Variants in MAPK6 observed in about 807,000 individuals in gnomAD.
MAPK6 encodes mitogen-activated protein kinase 6.
In MAPK6, 19 loss-of-function variants were observed where a neutral mutation model predicts 59.3. The observed-to-expected ratio is 0.32, with a 90% CI of 0.22 to 0.47. MAPK6 has a LOEUF of 0.47. MAPK6 is among the 20% of genes least tolerant of loss of function. MAPK6 has a pLI of 1.00. For synonymous variants in MAPK6, 316 were observed against 290.3 expected (o/e 1.09, Z -0.90); for missense variants, 724 against 847.9 (o/e 0.85, Z 1.81).
chr15:52,066,763 C>CGTGTGTGTGTGTGTGTGTGTGTGTGT lies in MAPK6; in HGVS notation c.*1768_*1793dup, dbSNP rs3222636. 1 of 148,858 alleles carries CGTGTGTGTGTGTGTGTGTGTGTGTGT rather than the reference C, an allele frequency of 6.7e-6. No homozygotes were observed. The highest frequency in any genetic ancestry group is 6.7e-5 in the Admixed American group (1 of 14,904). The allele number at this position is 148,858 out of a possible 1,614,324, so 9.2% of individuals were successfully genotyped here. A position where few individuals can be genotyped will look rare whatever the true frequency, so the allele number is the denominator to read the frequency against. On this transcript the variant is annotated 3_prime_UTR_variant, in exon 6 of 6. Transcript: ENST00000261845. The stretch of plus-strand genomic sequence containing the variant: ...GGATTCACAAAGCCATATATATACA[C>CGTGTGTGTGTGTGTGTGTGTGTGTGT]GTGTGTGTGTGTGTGTGTGTGTGTG...
upstream of MAPK6, chr15:52,017,885 A>G (rs1689379356): frequency 6.6e-6 from 1 of 152,154 alleles, no homozygotes; most frequent in South Asian, 2.1e-4. Flanking sequence ...AGAAGCTGGA[A>G]ATTCTGCGGT....
At chr15:52,055,876 T>C (rs1338457080) in intron 3 of MAPK6, among the ~76,000 whole-genome samples, 1 of 152,254 alleles carries the variant, frequency 6.6e-6, no homozygotes, top group Non-Finnish European at 1.5e-5. Context: ...ACATTAAATA[T>C]AGGAATAAAA....
chr15:52,050,905 G>A (rs11070877), intron 3 of MAPK6, among the ~76,000 whole-genome samples: 121,925 of 152,110 alleles, frequency 0.8, 49,452 homozygotes, highest in Non-Finnish European at 0.85. Flanking sequence ...AGATGGGGTC[G>A]GAATACTAGA....
rs2141138030 is a variant in MAPK6 at position 52,064,716 on chromosome 15, T to A, written c.1882T>A (p.Tyr628Asn). Residue 628 changes from tyrosine (Y) to asparagine (N), a missense_variant, in exon 6 of 6, where the codon TAC (tyrosine) becomes AAC (asparagine). Coordinates refer to ENST00000261845, the MANE Select transcript of MAPK6 (RefSeq NM_002748.4). ...QVEKENTYTS[Y>N]LDKFFSRKED... The stretch of plus-strand genomic sequence containing the variant: ...TGAGAAGGAAAACACTTACACTAGT[T>A]ACTTGGACAAGTTCTTTAGCAGGAA... The A allele has an allele frequency of 6.2e-7, 1 of 1,611,900 alleles. No homozygotes were observed. The highest frequency in any genetic ancestry group is 1.3e-5 in the African/African-American group (1 of 74,970).
At chr15:51,971,863 C>G in exon 1 of MAPK6, 2 of 1,109,756 alleles carry the variant, frequency 1.8e-6, no homozygotes, top group Non-Finnish European at 2.7e-6. Flanking sequence ...CCTTTCCTTA[C>G]GTGACCTAGT....
intron 1 of MAPK6, among the ~76,000 whole-genome samples, chr15:51,975,745 G>A (rs1436519709): frequency 6.6e-6 from 1 of 151,750 alleles, no homozygotes; most frequent in East Asian, 1.9e-4. Flanking sequence ...TGTGGAAGGA[G>A]TTGGCCTTTA....
At chr15:52,054,702 A>G (rs555488038) in intron 3 of MAPK6, among the ~76,000 whole-genome samples, 2 of 150,540 alleles carry the variant, frequency 1.3e-5, no homozygotes, top group East Asian at 3.9e-4. Context: ...CGAATGAACA[A>G]GGGTAAAGTG....
chr15:52,004,405 A>C (rs2141826363), intron 3 of MAPK6: 1 of 152,306 alleles, frequency 6.6e-6, no homozygotes, highest in South Asian at 2.1e-4. Context: ...GCTTTCATGT[A>C]AGTAGATCCA....
chr15:52,030,291 G>A (rs746267015), intron 1 of MAPK6, among the ~76,000 whole-genome samples: 1 of 152,132 alleles, frequency 6.6e-6, no homozygotes, highest in African/African-American at 2.4e-5. Context: ...ACTAGAATGC[G>A]AGCTCTTCGG....
At chr15:51,972,161 C>T (rs62015190) in intron 1 of MAPK6, among the ~76,000 whole-genome samples, 97,065 of 140,160 alleles carry the variant, frequency 0.69, 31,330 homozygotes, top group African/African-American at 0.77. Context: ...ATTGTTGAGA[C>T]GGAGTCTCGC....
chr15:51,975,950 G>A (rs2593194), intron 1 of MAPK6, among the ~76,000 whole-genome samples: 64,970 of 151,510 alleles, frequency 0.43, 14,598 homozygotes, highest in Admixed American at 0.52. Context: ...TAAAAATAAT[G>A]ACAAACATAT....
chr15:52,058,724 A>T lies in MAPK6; in HGVS notation c.792A>T (p.Pro264=), dbSNP rs766253233. 3.6e-5 allele frequency: 58 copies of T among 1,613,488 alleles called. No homozygotes were observed. The highest frequency in any genetic ancestry group is 4.7e-5 in the Non-Finnish European group (55 of 1,179,684). The change falls in exon 4 of 6, where the codon CCA becomes CCT. Residue 264 remains proline, a synonymous_variant. Transcript: ENST00000261845. ...EDRQELLSVI[P]VYIRNDMTEP... is the part of the protein sequence containing the mutation. ...GTCAGGAGCTTCTCAGCGTAATTCCAGTTTACATTAGAAATGACATGACTG... is the reference window on the plus strand; with the variant it reads ...GTCAGGAGCTTCTCAGCGTAATTCCTGTTTACATTAGAAATGACATGACTG...
chr15:52,036,352 A>G (rs865814860), intron 1 of MAPK6, among the ~76,000 whole-genome samples: 14 of 152,306 alleles, frequency 9.2e-5, no homozygotes, highest in African/African-American at 3.1e-4. Flanking sequence ...ATGTTGCTAA[A>G]ACAACACCTG....
chr15:51,998,687 ATTTTTTTT>A (rs964775744), intron 2 of MAPK6, among the ~76,000 whole-genome samples: 2 of 38,472 alleles, frequency 5.2e-5, no homozygotes, highest in Non-Finnish European at 9.3e-5. Context: ...TGCCTGGTTA[ATTTTTTTT>A]TTTTTTTTTT....
chr15:52,038,297 T>C (rs1566907085), intron 1 of MAPK6, among the ~76,000 whole-genome samples: 1 of 152,190 alleles, frequency 6.6e-6, no homozygotes, highest in Non-Finnish European at 1.5e-5. Flanking sequence ...TTAAAAGATG[T>C]TTTAAAAACA....
intron 2 of MAPK6, among the ~76,000 whole-genome samples, chr15:51,999,758 C>G (rs1385328713): frequency 6.6e-6 from 1 of 152,178 alleles, no homozygotes; most frequent in Non-Finnish European, 1.5e-5. Context: ...AGCCTTCCAT[C>G]TCAGCCTCGT....
intron 1 of MAPK6, among the ~76,000 whole-genome samples, chr15:52,028,705 G>A (rs2030910785): frequency 6.6e-6 from 1 of 152,168 alleles, no homozygotes; most frequent in Non-Finnish European, 1.5e-5. Context: ...ACTAAGTGTG[G>A]CTTCCTTGTT....
At chr15:52,014,040 T>C (rs1264193320) in intron 3 of MAPK6, among the ~76,000 whole-genome samples, 1 of 152,020 alleles carries the variant, frequency 6.6e-6, no homozygotes, top group Non-Finnish European at 1.5e-5. Flanking sequence ...CCCTGCATGC[T>C]CATGTCTTTG....
intron 2 of MAPK6, among the ~76,000 whole-genome samples, chr15:51,998,052 T>C (rs1595961888): frequency 6.6e-6 from 1 of 151,914 alleles, no homozygotes. Flanking sequence ...CAAGCAATTC[T>C]CCCGCCTCAG....
Sources: allele counts gnomAD v4.1 joint callset (sites outside exome capture counted in the v4.1 genomes callset), GRCh38; gene constraint gnomAD v4.1.1; transcripts MANE v1.5; gene names NCBI Gene and HGNC (gene_info 2026-07-23, HGNC 2026-07-21).